Variants in SH3RF3 observed in about 807,000 individuals in gnomAD.
The protein encoded by SH3RF3 is SH3 domain containing ring finger 3, also known as E3 ubiquitin-protein ligase SH3RF3.
Under a neutral mutation model 66.3 loss-of-function variants are expected in SH3RF3, and 29 were observed. That is an observed-to-expected ratio of 0.44 (90% CI 0.33 to 0.60). The LOEUF (loss-of-function observed/expected upper bound fraction) is 0.60, where lower values mean the gene tolerates loss of function less well. SH3RF3 is among the 20% of genes least tolerant of loss of function. The probability of loss-of-function intolerance (pLI) is 0.04; values close to 1 mark genes in which losing one functional copy is unlikely to be tolerated. For missense variants in SH3RF3, 1,194 were observed against 1,190.9 expected, an observed-to-expected ratio of 1.00 and a Z score of -0.04; for synonymous variants, 583 against 532.0, an observed-to-expected ratio of 1.10 and a Z score of -1.32.
intron 5 of SH3RF3, among the ~76,000 whole-genome samples, chr2:109,431,606 A>T (rs2104566381): frequency 6.6e-6 from 1 of 152,368 alleles, no homozygotes; most frequent in African/African-American, 2.4e-5. Context: ...CTTAAAATTA[A>T]GGCTGGTGTA....
chr2:109,350,300 G>T (rs1476035997), intron 2 of SH3RF3, among the ~76,000 whole-genome samples: 1 of 152,172 alleles, frequency 6.6e-6, no homozygotes, highest in Admixed American at 6.5e-5. Context: ...CGCCAGCCAC[G>T]GGAGGCCCAG....
chr2:109,380,600 G>A (rs1447990313), intron 3 of SH3RF3, among the ~76,000 whole-genome samples: 1 of 152,192 alleles, frequency 6.6e-6, no homozygotes, highest in Non-Finnish European at 1.5e-5. Context: ...GCCTCCCTGG[G>A]AGCTTCTGTG....
At chr2:109,429,424 G>A (rs373155848) in intron 5 of SH3RF3, among the ~76,000 whole-genome samples, 1 of 152,188 alleles carries the variant, frequency 6.6e-6, no homozygotes, top group East Asian at 1.9e-4. Flanking sequence ...AGAGATCAGA[G>A]TGAAGGATTA....
chr2:109,301,323 G>A (rs1009161296), intron 1 of SH3RF3, among the ~76,000 whole-genome samples: 7 of 132,606 alleles, frequency 5.3e-5, no homozygotes, highest in Non-Finnish European at 7.7e-5. Flanking sequence ...GGCGGGCTGT[G>A]TATCTGTGTG....
At chr2:109,454,685 CAG>C (rs981576479) in intron 8 of SH3RF3, among the ~76,000 whole-genome samples, 14 of 152,126 alleles carry the variant, frequency 9.2e-5, no homozygotes, top group Admixed American at 6.5e-4. Flanking sequence ...CAGAATGAAA[CAG>C]GGTAGGATAG....
At chr2:109,267,919 G>A (rs1401068557) in intron 1 of SH3RF3, among the ~76,000 whole-genome samples, 3 of 152,052 alleles carry the variant, frequency 2.0e-5, no homozygotes, top group Admixed American at 1.3e-4. Context: ...ACACTCCTGG[G>A]CCCCTGGACA....
intron 3 of SH3RF3, among the ~76,000 whole-genome samples, chr2:109,383,556 G>A (rs1204668746): frequency 6.6e-6 from 1 of 152,156 alleles, no homozygotes; most frequent in Non-Finnish European, 1.5e-5. Flanking sequence ...GCTTCTGCGG[G>A]CTGAGGCACG....
At chr2:109,465,009 CTTTT>C (rs1363382058) in intron 8 of SH3RF3, among the ~76,000 whole-genome samples, 1 of 152,184 alleles carries the variant, frequency 6.6e-6, no homozygotes, top group African/African-American at 2.4e-5. Flanking sequence ...AACCACTGAC[CTTTT>C]TACTGCCTTC....
At position 109,503,082 on chromosome 2, in the gene SH3RF3, T is replaced by G. The variant is rs1177824021; in HGVS notation, c.*1411T>G. ...GTGGGGCTGATGAATGTATATTCAT[T>G]AGCACCATGGCTCACTTCCCAGGAA... On this transcript the variant is annotated 3_prime_UTR_variant, in exon 10 of 10. Transcript: ENST00000309415. The G allele has an allele frequency of 6.6e-6, 1 of 152,132 alleles. No homozygotes were observed. Among genetic ancestry groups the G allele is most frequent in the Non-Finnish European group, 1.5e-5 (1 of 68,024 alleles). The allele number at this position is 152,132 out of a possible 1,614,324, so 9.4% of individuals were successfully genotyped here.
chr2:109,297,490 C>T (rs1230034713), intron 1 of SH3RF3, among the ~76,000 whole-genome samples: 1 of 152,194 alleles, frequency 6.6e-6, no homozygotes, highest in Admixed American at 6.5e-5. Flanking sequence ...CAGTGCTCCC[C>T]ACCAGACCAG....
intron 8 of SH3RF3, among the ~76,000 whole-genome samples, chr2:109,484,812 G>C (rs543115827): frequency 9.8e-5 from 15 of 152,292 alleles, no homozygotes; most frequent in Admixed American, 3.9e-4. Context: ...GTTTATTTCT[G>C]TGCTTTCCTG....
intron 7 of SH3RF3, among the ~76,000 whole-genome samples, chr2:109,440,713 A>T (rs1394071219): frequency 6.6e-6 from 1 of 152,140 alleles, no homozygotes; most frequent in Non-Finnish European, 1.5e-5. Flanking sequence ...GGATGTGGAG[A>T]TCAGAGTTTG....
chr2:109,328,869 T>C lies in SH3RF3; in HGVS notation c.574-18805T>C, dbSNP rs146563772. On this transcript the variant is annotated intron_variant, in intron 1 of 9. Transcript: ENST00000309415. ...AATGTCTGAGTGTCAAATATATCCC[T>C]GGACTCCCAGTTGCCTTCTCCATGC... Among the ~76,000 whole-genome samples, 938 of 152,308 alleles carry C rather than the reference T, an allele frequency of 6.2e-3. 10 individuals carry two copies. Among genetic ancestry groups the C allele is most frequent in the African/African-American group, 0.022 (898 of 41,564 alleles).
In SH3RF3 at chr2:109,501,588, C is replaced by G; in HGVS notation, c.2566C>G (p.Arg856Gly). The G allele has an allele frequency of 3.8e-6, 3 of 779,592 alleles. 1 individual carries two copies. Among genetic ancestry groups the G allele is most frequent in the South Asian group, 2.7e-5 (2 of 74,194 alleles). 48.3% of individuals were successfully genotyped at this position (779,592 alleles called of 1,614,324 possible). The change falls in exon 10 of 10, where the codon CGT becomes GGT. Residue 856 changes from arginine to glycine, a missense_variant. Transcript: ENST00000309415. ...CGACATCGTCTTTGTGCACAAGAAG[C>G]GTGAGGACGGCTGGTACAAGGGGAC... ...EGDIVFVHKK[R>G]EDGWYKGTLQ...
intron 1 of SH3RF3, among the ~76,000 whole-genome samples, chr2:109,283,256 C>G (rs1459019980): frequency 6.6e-6 from 1 of 152,218 alleles, no homozygotes; most frequent in South Asian, 2.1e-4. Context: ...TGGGCCATGG[C>G]CACAGCCTTC....
At chr2:109,397,955 G>A (rs998864385) in intron 3 of SH3RF3, among the ~76,000 whole-genome samples, 1 of 152,170 alleles carries the variant, frequency 6.6e-6, no homozygotes, top group Non-Finnish European at 1.5e-5. Flanking sequence ...CTGAGACCTC[G>A]CCAAATCACT....
chr2:109,206,876 C>T (rs1021604149), intron 1 of SH3RF3, among the ~76,000 whole-genome samples: 1 of 152,228 alleles, frequency 6.6e-6, no homozygotes, highest in African/African-American at 2.4e-5. Flanking sequence ...TGAGCATTCT[C>T]AGTGCCCCTT....
Position 109,501,511 on chromosome 2 carries a change from T to C in SH3RF3, c.2489T>C (p.Val830Ala), listed in dbSNP as rs1445393789. 1.3e-6 allele frequency: 1 copy of C among 777,916 alleles called. No individual in the cohort carries two copies. Among genetic ancestry groups the C allele is most frequent in the Non-Finnish European group, 2.4e-6 (1 of 416,888 alleles). The allele number at this position is 777,916 out of a possible 1,614,324, so 48.2% of individuals were successfully genotyped here. A position where few individuals can be genotyped will look rare whatever the true frequency, so the allele number is the denominator to read the frequency against. Residue 830 changes from valine to alanine, a missense_variant, in exon 10 of 10, where the codon GTG becomes GCG. Val to Ala is a moderately conservative substitution (Grantham distance 64, BLOSUM62 0). Coordinates refer to ENST00000309415, the MANE Select transcript of SH3RF3 (RefSeq NM_001099289.3). The part of the protein sequence containing the change: ...PKLLPRERYR[V>A]VVSYPPQSEA... ...CTGTGCTGTTTCCCCAGGTACCGCG[T>C]GGTGGTCTCGTACCCACCCCAGAGT...
chr2:109,219,518 CT>C (rs1679178131), intron 1 of SH3RF3, among the ~76,000 whole-genome samples: 1 of 152,094 alleles, frequency 6.6e-6, no homozygotes, highest in African/African-American at 2.4e-5. Flanking sequence ...AAAATTATCT[CT>C]GTTTGCAGAT....
Sources: gnomAD v4.1 joint callset for allele counts (sites outside exome capture counted in the v4.1 genomes callset) on GRCh38, gnomAD v4.1.1 for gene constraint, MANE v1.5 for transcripts, NCBI Gene and HGNC (gene_info 2026-07-23, HGNC 2026-07-21) for gene names.